Variants in CNTNAP2 observed in about 807,000 individuals in gnomAD.
CNTNAP2 encodes the protein contactin-associated protein-like 2.
Under a neutral mutation model 155.2 loss-of-function variants are expected in CNTNAP2, and 98 were observed. That is an observed-to-expected ratio of 0.63 (90% CI 0.54 to 0.75). The LOEUF (loss-of-function observed/expected upper bound fraction) is 0.75. Ranked by LOEUF, CNTNAP2 falls within the 30% of genes least tolerant of loss-of-function variation. CNTNAP2 has a pLI of 0.00. For missense variants in CNTNAP2, 1,727 were observed against 1,688.1 expected (o/e 1.02, Z -0.40); for synonymous variants, 651 against 631.2 (o/e 1.03, Z -0.47).
intron 1 of CNTNAP2, among the ~76,000 whole-genome samples, chr7:146,354,285 A>G (rs1198393487): frequency 6.6e-6 from 1 of 152,210 alleles, no homozygotes; most frequent in African/African-American, 2.4e-5. Context: ...AGGTTTTTAT[A>G]AGATATACAT....
Position 148,141,913 on chromosome 7 carries a change from A to T in CNTNAP2, c.2555-5578A>T, listed in dbSNP as rs181569966. ...CAAATGTTGTGAAGGAGAAAGTCCTATGTGGTGGAATTAGAGGAAGACTAA... is the reference window on the plus strand; with the variant it reads ...CAAATGTTGTGAAGGAGAAAGTCCTTTGTGGTGGAATTAGAGGAAGACTAA... On this transcript the variant is annotated intron_variant, in intron 16 of 23. Coordinates refer to ENST00000361727, the MANE Select transcript of CNTNAP2 (RefSeq NM_014141.6). 7.9e-5 allele frequency among the ~76,000 whole-genome samples: 12 copies of T among 152,308 alleles called. 1 individual carries two copies. Among genetic ancestry groups the T allele is most frequent in the African/African-American group, 2.9e-4 (12 of 41,570 alleles).
At chr7:147,756,775 C>T (rs1486792321) in intron 13 of CNTNAP2, among the ~76,000 whole-genome samples, 1 of 152,154 alleles carries the variant, frequency 6.6e-6, no homozygotes, top group African/African-American at 2.4e-5. Flanking sequence ...ATTAACCTTT[C>T]AGGGCAATTC....
At chr7:148,086,963 G>A (rs918971430) in intron 15 of CNTNAP2, among the ~76,000 whole-genome samples, 9 of 152,030 alleles carry the variant, frequency 5.9e-5, no homozygotes, top group South Asian at 2.1e-4. Context: ...TTATCCCATC[G>A]TTGTGATATA....
At chr7:147,655,415 G>A (rs951018058) in intron 13 of CNTNAP2, among the ~76,000 whole-genome samples, 3 of 152,136 alleles carry the variant, frequency 2.0e-5, no homozygotes, top group South Asian at 2.1e-4. Flanking sequence ...GAGCCACCGC[G>A]CCCAGCCTAT....
chr7:147,906,185 G>A (rs773418154), intron 14 of CNTNAP2, among the ~76,000 whole-genome samples: 15 of 151,584 alleles, frequency 9.9e-5, no homozygotes, highest in Non-Finnish European at 2.2e-4. Flanking sequence ...TAGAATTACA[G>A]GTTGAAAACA....
chr7:146,583,751 A>G (rs1293982987), intron 1 of CNTNAP2, among the ~76,000 whole-genome samples: 1 of 152,138 alleles, frequency 6.6e-6, no homozygotes, highest in Non-Finnish European at 1.5e-5. Context: ...TTACTTTTGC[A>G]TGACCTTAGC....
At chr7:147,623,584 C>A (rs1231480051) in intron 12 of CNTNAP2, among the ~76,000 whole-genome samples, 1 of 151,776 alleles carries the variant, frequency 6.6e-6, no homozygotes, top group Non-Finnish European at 1.5e-5. Flanking sequence ...ATAAAACACT[C>A]ATGAAAGAAA....
At position 147,128,635 on chromosome 7, in the gene CNTNAP2, T is replaced by G. The variant is rs1801285536; in HGVS notation, c.940-58T>G. 3.1e-6 allele frequency: 5 copies of G among 1,592,978 alleles called. No homozygotes were observed. The African/African-American group carries it at 6.7e-5, about 21-fold the overall frequency. Reference sequence around the variant, plus strand: ...CTTGACCTTCACTGTATTCATAGTTTTGTCTAGTTCATCATAATACAATGT... The same window carrying G: ...CTTGACCTTCACTGTATTCATAGTTGTGTCTAGTTCATCATAATACAATGT... On this transcript the variant is annotated intron_variant, in intron 6 of 23. Transcript: ENST00000361727.
Position 148,229,688 on chromosome 7 carries a change from C to T in CNTNAP2, c.3290C>T (p.Pro1097Leu). ...TACAACCTGGGTGGCACCCGAGAGC[C>T]ATACAATATTGACGTAGACCACAGG... ...IRYNLGGTRE[P>L]YNIDVDHRNM... The change falls in exon 20 of 24, where the codon CCA becomes CTA. Residue 1097 changes from proline to leucine, a missense_variant. Physicochemically the swap from Pro to Leu is moderately conservative, Grantham distance 98. Transcript: ENST00000361727. The T allele has an allele frequency of 1.2e-6, 2 of 1,614,114 alleles. No individual in the cohort carries two copies. The highest frequency in any genetic ancestry group is 1.7e-6 in the Non-Finnish European group (2 of 1,180,022).
At position 147,390,548 on chromosome 7, in the gene CNTNAP2, G is replaced by T. The variant is rs529525215; in HGVS notation, c.1499-5061G>T. ...CATTTCAAGATAGCAGACTCACATGGCTAGCAAGCTGCTGCTGGAACTTGG... is the reference window on the plus strand; with the variant it reads ...CATTTCAAGATAGCAGACTCACATGTCTAGCAAGCTGCTGCTGGAACTTGG... On this transcript the variant is annotated intron_variant, in intron 9 of 23. Coordinates refer to ENST00000361727, the MANE Select transcript of CNTNAP2 (RefSeq NM_014141.6). Among the ~76,000 whole-genome samples, 3 of 152,114 alleles carry T rather than the reference G, an allele frequency of 2.0e-5. No individual in the cohort carries two copies. In the East Asian group the frequency reaches 5.8e-4, roughly 30 times the overall value.
At chr7:147,099,074 G>A (rs1800604532) in intron 4 of CNTNAP2, among the ~76,000 whole-genome samples, 1 of 152,092 alleles carries the variant, frequency 6.6e-6, no homozygotes, top group Admixed American at 6.5e-5. Flanking sequence ...CTTTATTGTA[G>A]TTTCCATGGG....
intron 2 of CNTNAP2, among the ~76,000 whole-genome samples, chr7:146,810,763 G>A (rs985321141): frequency 1.1e-4 from 16 of 152,048 alleles, no homozygotes; most frequent in African/African-American, 3.6e-4. Context: ...AGTAATGTTA[G>A]CTGCAGGTTT....
At chr7:146,315,630 A>G (rs1046442773) in intron 1 of CNTNAP2, among the ~76,000 whole-genome samples, 2 of 151,998 alleles carry the variant, frequency 1.3e-5, no homozygotes, top group African/African-American at 4.8e-5. Flanking sequence ...CACCTTGCTG[A>G]CTTCCTGTGT....
chr7:147,256,852 G>A (rs1451734240), intron 8 of CNTNAP2, among the ~76,000 whole-genome samples: 1 of 151,750 alleles, frequency 6.6e-6, no homozygotes, highest in Non-Finnish European at 1.5e-5. Flanking sequence ...GATATAATAA[G>A]TTGAGTCACA....
At chr7:146,647,839 T>G (rs1007709879) in intron 1 of CNTNAP2, among the ~76,000 whole-genome samples, 1 of 152,204 alleles carries the variant, frequency 6.6e-6, no homozygotes, top group African/African-American at 2.4e-5. Context: ...TCTACTAATC[T>G]ATAGTCATCC....
chr7:147,341,803 A>C (rs1039525756), intron 9 of CNTNAP2, among the ~76,000 whole-genome samples: 4 of 145,304 alleles, frequency 2.8e-5, no homozygotes, highest in African/African-American at 7.7e-5. Context: ...CACACACACA[A>C]ATGCTACAAC....
chr7:148,348,071 G>T (rs1381122548), intron 21 of CNTNAP2, among the ~76,000 whole-genome samples: 1 of 152,132 alleles, frequency 6.6e-6, no homozygotes, highest in East Asian at 1.9e-4. Context: ...TGTTTTTCCA[G>T]CTAGTAGTTC....
At chr7:147,063,012 G>C (rs144284803) in intron 4 of CNTNAP2, among the ~76,000 whole-genome samples, 1 of 152,256 alleles carries the variant, frequency 6.6e-6, no homozygotes, top group East Asian at 1.9e-4. Context: ...GAGTCACGGA[G>C]CCAGAAAATG....
intron 1 of CNTNAP2, among the ~76,000 whole-genome samples, chr7:146,192,261 C>A (rs1021604457): frequency 2.0e-5 from 3 of 152,084 alleles, no homozygotes; most frequent in Non-Finnish European, 4.4e-5. Context: ...TTCAAAGCAG[C>A]CTGTAAATAC....
Sources: allele counts gnomAD v4.1 joint callset (sites outside exome capture counted in the v4.1 genomes callset), GRCh38; gene constraint gnomAD v4.1.1; transcripts MANE v1.5; gene names NCBI Gene and HGNC (gene_info 2026-07-23, HGNC 2026-07-21).